PCGF5: variants seen among roughly 807,000 people sequenced by gnomAD.
The protein encoded by PCGF5 is polycomb group ring finger 5.
PCGF5 carries 9 observed loss-of-function variants against 44.3 expected under a neutral mutation model. The observed-to-expected ratio is 0.20, with a 90% CI of 0.12 to 0.35. The LOEUF is 0.35. Ranked by LOEUF, PCGF5 falls within the 10% of genes least tolerant of loss-of-function variation. PCGF5 has a pLI of 1.00. For synonymous variants in PCGF5, 95 were observed against 102.5 expected, an observed-to-expected ratio of 0.93 and a Z score of 0.44; for missense variants, 146 against 305.3, an observed-to-expected ratio of 0.48 and a Z score of 3.89.
intron 5 of PCGF5, among the ~76,000 whole-genome samples, chr10:91,249,134 C>T (rs1014565412): frequency 3.3e-5 from 5 of 151,736 alleles, no homozygotes; most frequent in Admixed American, 1.3e-4. Flanking sequence ...GGCTGAGAGC[C>T]AGATCAGGAG....
chr10:91,230,892 G>GGATT (rs1844984438), intron 2 of PCGF5, among the ~76,000 whole-genome samples: 2 of 152,062 alleles, frequency 1.3e-5, no homozygotes, highest in Admixed American at 1.3e-4. Context: ...CAAAGTGCTG[G>GGATT]GATTATAGGT....
At chr10:91,202,671 A>G (rs1481623209) in intron 1 of PCGF5, among the ~76,000 whole-genome samples, 3 of 152,178 alleles carry the variant, frequency 2.0e-5, no homozygotes, top group Admixed American at 2.0e-4. Context: ...CTTGTACTTA[A>G]TTGGTTTCAG....
chr10:91,258,708 G>A (rs998963752), intron 6 of PCGF5, among the ~76,000 whole-genome samples: 4 of 152,126 alleles, frequency 2.6e-5, no homozygotes, highest in Non-Finnish European at 4.4e-5. Flanking sequence ...TTTTCATGCT[G>A]TCTAGAATAT....
upstream of PCGF5, among the ~76,000 whole-genome samples, chr10:91,158,420 G>T (rs979687856): frequency 1.3e-5 from 2 of 152,208 alleles, no homozygotes; most frequent in African/African-American, 4.8e-5. Context: ...AGGAGACAAA[G>T]ATTTGAAGGG....
chr10:91,156,873 C>T, the PCGF5 span, among the ~76,000 whole-genome samples: 3 of 152,290 alleles, frequency 2.0e-5, no homozygotes, highest in East Asian at 5.8e-4. Flanking sequence ...TTTCTCCTCT[C>T]TTTAAAGTGG....
chr10:91,251,295 A>G lies in PCGF5; in HGVS notation c.329A>G (p.Asp110Gly), dbSNP rs1184483839. 2 of 1,605,624 alleles carry G rather than the reference A, an allele frequency of 1.2e-6. No individual in the cohort carries two copies. The highest frequency in any genetic ancestry group is 2.2e-5 in the East Asian group (1 of 44,644). The part of the protein sequence containing the change: ...KNKPQENGQD[D>G]TSKADKPKVD... ...TAGTTTTGTTTAAATTATACAGATG[A>G]TACTTCAAAAGCTGACAAACCGAAA... Residue 110 changes from aspartate (D) to glycine (G), a missense_variant, in exon 6 of 10, where the codon GAT (aspartate) becomes GGT (glycine). By Grantham distance (94) the Asp-to-Gly change is moderately conservative. Around this residue, in one of 3 missense-constraint regions of PCGF5, gnomAD observed 123 missense variants for 268.6 expected, o/e 0.46. Coordinates refer to ENST00000336126, the MANE Select transcript of PCGF5 (RefSeq NM_032373.5).
intron 1 of PCGF5, among the ~76,000 whole-genome samples, chr10:91,184,274 C>A (rs906894894): frequency 6.6e-6 from 1 of 151,910 alleles, no homozygotes; most frequent in African/African-American, 2.4e-5. Flanking sequence ...TTCTTTTTTT[C>A]TCTATTCTTC....
chr10:91,225,577 G>T (rs571504737), intron 2 of PCGF5, among the ~76,000 whole-genome samples: 1 of 151,800 alleles, frequency 6.6e-6, no homozygotes, highest in Non-Finnish European at 1.5e-5. Context: ...TGAGGATTCC[G>T]GTAGCACTAA....
intron 8 of PCGF5, among the ~76,000 whole-genome samples, chr10:91,268,630 A>G (rs945238640): frequency 1.3e-5 from 2 of 152,110 alleles, no homozygotes; most frequent in African/African-American, 4.8e-5. Flanking sequence ...AGGGTACTCC[A>G]TATTCAGATT....
chr10:91,181,722 T>C (rs1186135455), intron 1 of PCGF5, among the ~76,000 whole-genome samples: 1 of 152,224 alleles, frequency 6.6e-6, no homozygotes, highest in Non-Finnish European at 1.5e-5. Flanking sequence ...TGAAGACCAC[T>C]TGATGGTGGC....
chr10:91,183,509 C>G (rs190041843), intron 1 of PCGF5, among the ~76,000 whole-genome samples: 246 of 151,962 alleles, frequency 1.6e-3, no homozygotes, highest in Non-Finnish European at 2.6e-3. Flanking sequence ...TGAATTTTGA[C>G]TCTTTCTCCA....
the PCGF5 span, among the ~76,000 whole-genome samples, chr10:91,157,122 A>T: frequency 2.0e-5 from 3 of 152,232 alleles, no homozygotes; most frequent in Non-Finnish European, 4.4e-5. Context: ...TAAATAGCTT[A>T]GACTAATGTT....
chr10:91,265,437 A>G (rs1317399075), intron 8 of PCGF5, among the ~76,000 whole-genome samples: 1 of 152,188 alleles, frequency 6.6e-6, no homozygotes, highest in Non-Finnish European at 1.5e-5. Flanking sequence ...TCTTTTGGAC[A>G]TTAAGATTCT....
At chr10:91,240,178 C>T (rs558548295) in intron 2 of PCGF5, among the ~76,000 whole-genome samples, 89 of 152,222 alleles carry the variant, frequency 5.8e-4, no homozygotes, top group African/African-American at 2.1e-3. Flanking sequence ...TGAGAAGAAC[C>T]TATTTTATGT....
chr10:91,163,491 T>G (rs1020967931), intron 1 of PCGF5, among the ~76,000 whole-genome samples: 1 of 152,046 alleles, frequency 6.6e-6, no homozygotes, highest in East Asian at 2.0e-4. Context: ...GCTCGCGGCT[T>G]CCTGATGGGG....
intron 2 of PCGF5, among the ~76,000 whole-genome samples, chr10:91,228,350 G>A (rs1589380975): frequency 6.6e-6 from 1 of 152,118 alleles, no homozygotes; most frequent in East Asian, 1.9e-4. Context: ...TGTGGTCAGA[G>A]GCCCCTCTAA....
chr10:91,256,942 A>C (rs918553075), intron 6 of PCGF5, among the ~76,000 whole-genome samples: 1 of 152,138 alleles, frequency 6.6e-6, no homozygotes, highest in Non-Finnish European at 1.5e-5. Context: ...AAGCAACAAA[A>C]GAAAAGAAAT....
chr10:91,269,655 GA>G (rs1324465537), intron 8 of PCGF5, among the ~76,000 whole-genome samples: 1 of 152,020 alleles, frequency 6.6e-6, no homozygotes, highest in Non-Finnish European at 1.5e-5. Context: ...TTTAAATTTT[GA>G]TAGATACAAA....
intron 1 of PCGF5, among the ~76,000 whole-genome samples, chr10:91,206,927 C>G (rs1363376533): frequency 6.6e-6 from 1 of 152,174 alleles, no homozygotes; most frequent in African/African-American, 2.4e-5. Flanking sequence ...CAGAGTCCCT[C>G]TTGGTTTTAT....
Sources: gnomAD v4.1 joint callset for allele counts (sites outside exome capture counted in the v4.1 genomes callset) on GRCh38, gnomAD v4.1.1 for gene constraint, gnomAD v4.1.1 regional missense constraint, MANE v1.5 for transcripts, NCBI Gene and HGNC (gene_info 2026-07-23, HGNC 2026-07-21) for gene names.